The following ZNF416 variants were observed in gnomAD, a reference collection of about 807,000 sequenced individuals.
ZNF416 encodes the protein zinc finger protein 416.
A neutral mutation model predicts 10.9 loss-of-function variants in ZNF416; 5 were observed. The ratio of observed to expected loss-of-function variants is 0.46; its 90% CI spans 0.24 to 0.97. The LOEUF is 0.97. ZNF416 is among the 50% of genes least tolerant of loss of function. ZNF416 has a pLI of 0.19. For missense variants in ZNF416, 675 were observed against 715.0 expected (o/e 0.94, Z 0.64); for synonymous variants, 267 against 251.8 (o/e 1.06, Z -0.57).
chr19:57,572,641 T>A lies in ZNF416; in HGVS notation c.1263A>T (p.Leu421=), dbSNP rs545727805. ...ACTGGTGCTGAATGAGGCCACACTT[T>A]AGGCTAAATGATTTCCCACACTGGC... ...ECGQCGKSFS[L]KCGLIQHQLI... Residue 421 remains leucine (L), a synonymous_variant, in exon 4 of 4, where the codon CTA becomes CTT. Transcript: ENST00000196489. The surrounding 1 kb of genome is among the most constrained non-coding windows in gnomAD (Gnocchi z 4.5). The A allele has an allele frequency of 5.0e-6, 8 of 1,614,108 alleles. No individual in the cohort carries two copies. In the South Asian group the frequency reaches 8.8e-5, roughly 18 times the overall value.
Position 57,573,058 on chromosome 19 carries a change from G to C in ZNF416, c.846C>G (p.Thr282=). ...TTCTCCGATGATCATTCAGATGAGA[G>C]GTTTGGCTAAAAGATTTCCCACATT... is the stretch of plus-strand genomic sequence containing the variant. ...CSECGKSFSQ[T]SHLNDHRRIH... Residue 282 remains threonine (T), a synonymous_variant, in exon 4 of 4, where the codon ACC becomes ACG. Coordinates refer to ENST00000196489, the MANE Select transcript of ZNF416 (RefSeq NM_017879.3). 6.2e-7 allele frequency: 1 copy of C among 1,613,864 alleles called. No individual in the cohort carries two copies. The highest frequency in any genetic ancestry group is 1.1e-5 in the South Asian group (1 of 91,048).
chr19:57,578,209 T>C, intron 1 of ZNF416, 111 bp from the exon 2 acceptor site: 1 of 1,039,494 alleles, frequency 9.6e-7, no homozygotes, highest in Non-Finnish European at 1.5e-6. Flanking sequence ...TGGTGATGAC[T>C]AAATTATTAT....
chr19:57,578,811 G>C lies in ZNF416; in HGVS notation c.-107C>G. 2.5e-6 allele frequency: 3 copies of C among 1,177,664 alleles called. No individual in the cohort carries two copies. The highest frequency in any genetic ancestry group is 1.6e-5 in the African/African-American group (1 of 61,872). The allele number at this position is 1,177,664 out of a possible 1,614,324, so 73.0% of individuals were successfully genotyped here. A position where few individuals can be genotyped will look rare whatever the true frequency, so the allele number is the denominator to read the frequency against. On this transcript the variant is annotated 5_prime_UTR_variant, in exon 1 of 4. Transcript: ENST00000196489. ...CCCACCGGCTGATGCGCAGCGGGGC[G>C]ACCCCCGCTCTGTGCCGGAGGCAGC...
chr19:57,572,658 C>T lies in ZNF416; in HGVS notation c.1246G>A (p.Gly416Arg). 1 of 1,614,192 alleles carries T rather than the reference C, an allele frequency of 6.2e-7. No individual in the cohort carries two copies. The highest frequency in any genetic ancestry group is 8.5e-7 in the Non-Finnish European group (1 of 1,180,038). Reference protein sequence around the residue: ...TARPYECGQCGKSFSLKCGLI... With the variant: ...TARPYECGQCRKSFSLKCGLI... ...CCACACTTTAGGCTAAATGATTTCC[C>T]ACACTGGCCACACTCATAAGGCCTT... Residue 416 changes from glycine to arginine, a missense_variant, in exon 4 of 4, where the codon GGG becomes AGG. By Grantham distance (125) the Gly-to-Arg change is moderately radical. Transcript: ENST00000196489. This position sits in a 1 kb window ranked among gnomAD's most constrained non-coding sequence, Gnocchi z 4.5.
At chr19:57,576,235 A>G (rs938730964) in intron 2 of ZNF416, among the ~76,000 whole-genome samples, 1 of 152,136 alleles carries the variant, frequency 6.6e-6, no homozygotes, top group Admixed American at 6.5e-5. Context: ...CCACTCACAT[A>G]CAAACAATGA....
Position 57,572,185 on chromosome 19 carries a change from A to C in ZNF416, c.1719T>G (p.Thr573=). ...SGLILHRKSH[T]VERPRDSSKC... is the part of the protein sequence containing the mutation. Reference sequence around the variant, plus strand: ...TGCTGCTGTCACGAGGCCTCTCCACAGTGTGAGATTTTCGGTGGAGAATGA... The same window carrying C: ...TGCTGCTGTCACGAGGCCTCTCCACCGTGTGAGATTTTCGGTGGAGAATGA... Residue 573 remains threonine, a synonymous_variant, in exon 4 of 4, where the codon ACT becomes ACG. Coordinates refer to ENST00000196489, the MANE Select transcript of ZNF416 (RefSeq NM_017879.3). The surrounding 1 kb of genome is among the most constrained non-coding windows in gnomAD (Gnocchi z 4.5). 2.5e-6 allele frequency: 4 copies of C among 1,614,166 alleles called. No individual in the cohort carries two copies. The highest frequency in any genetic ancestry group is 3.4e-6 in the Non-Finnish European group (4 of 1,180,016).
chr19:57,574,715 G>A (rs369855289), intron 3 of ZNF416, among the ~76,000 whole-genome samples: 2 of 152,098 alleles, frequency 1.3e-5, no homozygotes, highest in Non-Finnish European at 2.9e-5. Flanking sequence ...GTAAGAATGG[G>A]GTACAGTACA....
rs759795964 is a variant in ZNF416, at chr19:57,575,877, C to G, written c.129G>C (p.Gly43=). ...VAIYFSQEEW[G]LLDEAQRLLY... Reference sequence around the variant, plus strand: ...GGAGCCTCTGAGCCTCATCAAGGAGCCCCCATTCTTCCTGGGAGAAGTAAA... The same window carrying G: ...GGAGCCTCTGAGCCTCATCAAGGAGGCCCCATTCTTCCTGGGAGAAGTAAA... The change falls in exon 3 of 4, where the codon GGG becomes GGC. Residue 43 remains glycine, a synonymous_variant. Coordinates refer to ENST00000196489, the MANE Select transcript of ZNF416 (RefSeq NM_017879.3). This position sits in a 1 kb window ranked among gnomAD's most constrained non-coding sequence, Gnocchi z 4.4. 3.1e-6 allele frequency: 5 copies of G among 1,614,096 alleles called. No individual in the cohort carries two copies. The highest frequency in any genetic ancestry group is 4.2e-6 in the Non-Finnish European group (5 of 1,180,002).
At chr19:57,576,400 G>A (rs569643364) in intron 2 of ZNF416, among the ~76,000 whole-genome samples, 1 of 152,078 alleles carries the variant, frequency 6.6e-6, no homozygotes, top group African/African-American at 2.4e-5. Context: ...CACACCATAG[G>A]CATCTCTCTG....
chr19:57,575,877 C>T lies in ZNF416; in HGVS notation c.129G>A (p.Gly43=), dbSNP rs759795964. 6.8e-6 allele frequency: 11 copies of T among 1,614,096 alleles called. No individual in the cohort carries two copies. The East Asian group carries it at 1.3e-4, about 20-fold the overall frequency. ...VAIYFSQEEW[G]LLDEAQRLLY... ...GGAGCCTCTGAGCCTCATCAAGGAG[C>T]CCCCATTCTTCCTGGGAGAAGTAAA... is the stretch of plus-strand genomic sequence containing the variant. The change falls in exon 3 of 4, where the codon GGG becomes GGA. Residue 43 remains glycine, a synonymous_variant. Transcript: ENST00000196489. This position sits in a 1 kb window ranked among gnomAD's most constrained non-coding sequence, Gnocchi z 4.4.
In ZNF416 at chr19:57,573,607, G is replaced by A. The variant is rs746881058; in HGVS notation, c.297C>T (p.Ser99=). ...TGTCACAGGATTGAATCTTCTGGGT[G>A]GATGGACTGGCCTCTGGAGTCCTGA... ...PQVRTPEASP[S]TQKIQSCDMC... Residue 99 remains serine (S), a synonymous_variant, in exon 4 of 4, where the codon TCC becomes TCT. Coordinates refer to ENST00000196489, the MANE Select transcript of ZNF416 (RefSeq NM_017879.3). The A allele has an allele frequency of 2.5e-6, 4 of 1,614,184 alleles. No individual in the cohort carries two copies. The highest frequency in any genetic ancestry group is 3.4e-6 in the Non-Finnish European group (4 of 1,180,032).
intron 1 of ZNF416, among the ~76,000 whole-genome samples, chr19:57,578,301 C>A (rs909525351): frequency 3.9e-5 from 6 of 152,188 alleles, no homozygotes; most frequent in Non-Finnish European, 8.8e-5. Context: ...GTGTTATCCC[C>A]CTTCCAGGCT....
rs1978635028 is a variant in ZNF416 at position 57,578,554 on chromosome 19, G to A, written c.33+118C>T. ...TGTAAATGGGAGCCCCACCCGCGAG[G>A]GCCTCATAGTCCTGGACTCTAGGGT... On this transcript the variant is annotated intron_variant, in intron 1 of 3. Transcript: ENST00000196489. 2.6e-6 allele frequency: 3 copies of A among 1,159,252 alleles called. No homozygotes were observed. The Admixed American group carries it at 1.0e-4, about 40-fold the overall frequency. The allele number at this position is 1,159,252 out of a possible 1,614,324, so 71.8% of individuals were successfully genotyped here.
Position 57,572,138 on chromosome 19 carries a change from G to C in ZNF416, c.1766C>G (p.Pro589Arg). Residue 589 changes from proline (P) to arginine (R), a missense_variant, in exon 4 of 4, where the codon CCA becomes CGA. Coordinates refer to ENST00000196489, the MANE Select transcript of ZNF416 (RefSeq NM_017879.3). This position sits in a 1 kb window ranked among gnomAD's most constrained non-coding sequence, Gnocchi z 4.5. Reference sequence around the variant, plus strand: ...CAAGAGTTAAACAATGTTAGATCTTGGGCTGTAGGGTTTTCCACATTTGCT... The same window carrying C: ...CAAGAGTTAAACAATGTTAGATCTTCGGCTGTAGGGTTTTCCACATTTGCT... ...DSSKCGKPYSPRSNIV is the reference protein window; with the variant it reads ...DSSKCGKPYSRRSNIV 1 of 1,612,738 alleles carries C rather than the reference G, an allele frequency of 6.2e-7. No individual in the cohort carries two copies. Among genetic ancestry groups the C allele is most frequent in the Non-Finnish European group, 8.5e-7 (1 of 1,178,834 alleles).
chr19:57,578,620 G>T, intron 1 of ZNF416, 52 bp downstream of exon 1: 1 of 1,506,076 alleles, frequency 6.6e-7, no homozygotes, highest in Non-Finnish European at 8.9e-7. Context: ...CATGCAGGGT[G>T]TTGGATTTCC....
At position 57,572,638 on chromosome 19, in the gene ZNF416, CT is replaced by C; in HGVS notation, c.1265del (p.Lys422SerfsTer9). The C allele has an allele frequency of 6.2e-7, 1 of 1,614,190 alleles. No individual in the cohort carries two copies. Among genetic ancestry groups the C allele is most frequent in the African/African-American group, 1.3e-5 (1 of 75,032 alleles). On this transcript the variant is annotated frameshift_variant, in exon 4 of 4. Coordinates refer to ENST00000196489, the MANE Select transcript of ZNF416 (RefSeq NM_017879.3). LOFTEE classifies it low-confidence loss of function (END_TRUNC). This position sits in a 1 kb window ranked among gnomAD's most constrained non-coding sequence, Gnocchi z 4.5. ...CGQCGKSFSL[K>X]CGLIQHQLIH... ...TTAACTGGTGCTGAATGAGGCCACA[CT>C]TTAGGCTAAATGATTTCCCACACTG...
chr19:57,574,389 C>T (rs926202110), intron 3 of ZNF416, among the ~76,000 whole-genome samples: 57 of 152,352 alleles, frequency 3.7e-4, no homozygotes, highest in African/African-American at 1.3e-3. Context: ...CTTGCTTCTA[C>T]CTTCTGACCA....
intron 1 of ZNF416, 48 bp downstream of exon 1, chr19:57,578,624 G>A (rs1599911285): frequency 6.6e-7 from 1 of 1,511,084 alleles, no homozygotes. Flanking sequence ...CAGGGTGTTG[G>A]ATTTCCGGCG....
At chr19:57,576,437 C>T (rs1978539096) in intron 2 of ZNF416, among the ~76,000 whole-genome samples, 1 of 152,128 alleles carries the variant, frequency 6.6e-6, no homozygotes, top group Admixed American at 6.5e-5. Context: ...TGGAATGCAA[C>T]ATTCAGAAAG....
Sources: gnomAD v4.1 joint callset for allele counts (sites outside exome capture counted in the v4.1 genomes callset) on GRCh38, gnomAD v4.1.1 for gene constraint, Gnocchi (gnomAD v3.1) non-coding constraint, MANE v1.5 for transcripts, NCBI Gene and HGNC (gene_info 2026-07-23, HGNC 2026-07-21) for gene names.